The following SEL1L3 variants were observed in gnomAD, a reference collection of about 807,000 sequenced individuals.
SEL1L3 encodes SEL1L family member 3.
In SEL1L3, 76 loss-of-function variants were observed where a neutral mutation model predicts 142.8. That is an observed-to-expected ratio of 0.53 (90% CI 0.44 to 0.64). The LOEUF (loss-of-function observed/expected upper bound fraction) is 0.64. Ranked by LOEUF, SEL1L3 falls within the 30% of genes least tolerant of loss-of-function variation. SEL1L3 has a pLI of 0.00. For missense variants in SEL1L3, 1,262 were observed against 1,381.7 expected (o/e 0.91, Z 1.37); for synonymous variants, 504 against 519.6 (o/e 0.97, Z 0.41).
intron 1 of SEL1L3, chr4:25,862,273 G>T (rs1717765730): frequency 6.5e-6 from 1 of 153,148 alleles, no homozygotes; most frequent in Admixed American, 6.6e-5. Context: ...GAAAGGAGCT[G>T]CGAGAAGATT....
intron 16 of SEL1L3, among the ~76,000 whole-genome samples, chr4:25,778,099 C>G (rs927585253): frequency 7.2e-5 from 11 of 152,058 alleles, no homozygotes; most frequent in African/African-American, 2.7e-4. Context: ...TCTGCAAGAC[C>G]TCAAAAATGT....
Position 25,752,188 on chromosome 4 carries a change from G to A in SEL1L3, c.3260-3624C>T, listed in dbSNP as rs183420392. Among the ~76,000 whole-genome samples the A allele has an allele frequency of 2.2e-4, 33 of 151,338 alleles. No homozygotes were observed. In the East Asian group the frequency reaches 2.9e-3, roughly 13 times the overall value. On this transcript the variant is annotated intron_variant, in intron 23 of 23. Transcript: ENST00000399878. ...TCCCAATACTTTGGGAGGCTGAGTCGGGCGGATCACTTGAGGTCAGGAGTT... is the reference window on the plus strand; with the variant it reads ...TCCCAATACTTTGGGAGGCTGAGTCAGGCGGATCACTTGAGGTCAGGAGTT...
intron 2 of SEL1L3, among the ~76,000 whole-genome samples, chr4:25,840,379 T>C (rs1194511700): frequency 6.6e-6 from 1 of 152,222 alleles, no homozygotes; most frequent in Non-Finnish European, 1.5e-5. Flanking sequence ...TGAATAGTCC[T>C]GCTGCATAAA....
At chr4:25,787,001 G>C (rs2109182879) in intron 13 of SEL1L3, among the ~76,000 whole-genome samples, 1 of 152,268 alleles carries the variant, frequency 6.6e-6, no homozygotes, top group East Asian at 1.9e-4. Context: ...GCTTTCTTTG[G>C]ATATGGACAT....
chr4:25,758,260 C>G (rs1342190497), intron 21 of SEL1L3, among the ~76,000 whole-genome samples: 2 of 152,086 alleles, frequency 1.3e-5, no homozygotes, highest in Admixed American at 1.3e-4. Context: ...TACTTGAGGC[C>G]AGGAGTTCGA....
chr4:25,753,327 T>A (rs1717724008), intron 23 of SEL1L3, among the ~76,000 whole-genome samples: 1 of 152,088 alleles, frequency 6.6e-6, no homozygotes. Context: ...AAAATGCAAA[T>A]CACAAAATGA....
At chr4:25,831,427 C>T (rs1349728280) in intron 5 of SEL1L3, among the ~76,000 whole-genome samples, 1 of 151,082 alleles carries the variant, frequency 6.6e-6, no homozygotes, top group African/African-American at 2.4e-5. Context: ...CCTAAGCATT[C>T]CAGCATAAAA....
intron 20 of SEL1L3, among the ~76,000 whole-genome samples, chr4:25,761,893 T>C (rs534879842): frequency 3.2e-4 from 48 of 152,326 alleles, no homozygotes; most frequent in Non-Finnish European, 6.5e-4. Flanking sequence ...GGAAAGCCCT[T>C]TCAGAAAGCA....
At chr4:25,798,244 T>A (rs1310636513) in intron 11 of SEL1L3, among the ~76,000 whole-genome samples, 1 of 152,198 alleles carries the variant, frequency 6.6e-6, no homozygotes, top group Non-Finnish European at 1.5e-5. Flanking sequence ...TTGTTGTTGC[T>A]GCCATTTTAT....
the SEL1L3 span, among the ~76,000 whole-genome samples, chr4:25,738,779 C>T: frequency 9.2e-5 from 14 of 152,250 alleles, no homozygotes; most frequent in South Asian, 2.1e-4. Flanking sequence ...TTTTTCCTTT[C>T]CTCACACAGT....
chr4:25,803,958 C>T (rs1435390871), intron 10 of SEL1L3, among the ~76,000 whole-genome samples: 2 of 152,116 alleles, frequency 1.3e-5, no homozygotes, highest in African/African-American at 2.4e-5. Flanking sequence ...ATTGCATGAG[C>T]CAATTCTTTG....
At chr4:25,769,826 C>G (rs1197451866) in intron 17 of SEL1L3, among the ~76,000 whole-genome samples, 1 of 152,130 alleles carries the variant, frequency 6.6e-6, no homozygotes, top group East Asian at 1.9e-4. Flanking sequence ...TAAAATGTAA[C>G]AAAATGAGGT....
intron 2 of SEL1L3, among the ~76,000 whole-genome samples, chr4:25,838,538 A>ACCT (rs1439478814): frequency 6.6e-6 from 1 of 152,124 alleles, no homozygotes; most frequent in Non-Finnish European, 1.5e-5. Flanking sequence ...CCCAGAGAGA[A>ACCT]CCTCGGCTGA....
the SEL1L3 span, among the ~76,000 whole-genome samples, chr4:25,736,380 C>G: frequency 6.6e-6 from 1 of 151,796 alleles, no homozygotes. Flanking sequence ...CTCACCACCA[C>G]GCCTAGCTAA....
At chr4:25,851,120 G>T (rs1281873477) in intron 1 of SEL1L3, among the ~76,000 whole-genome samples, 1 of 152,080 alleles carries the variant, frequency 6.6e-6, no homozygotes, top group Non-Finnish European at 1.5e-5. Flanking sequence ...CAAAGTGCTG[G>T]GATTACAGGC....
chr4:25,862,156 G>A (rs1355643000), intron 1 of SEL1L3: 1 of 152,378 alleles, frequency 6.6e-6, no homozygotes, highest in Non-Finnish European at 1.5e-5. Context: ...GATGCGAGGT[G>A]CGTTGGCAGA....
rs1005894754 is a variant in SEL1L3 at position 25,791,788 on chromosome 4, C to T, written c.1957-1214G>A. The stretch of plus-strand genomic sequence containing the variant: ...ATTTAATGGGTGTGGTGGTACACAC[C>T]GCTAATCCCAGCTACTTGGGAGGCT... On this transcript the variant is annotated intron_variant, in intron 11 of 23. Transcript: ENST00000399878. Among the ~76,000 whole-genome samples, 6 of 152,034 alleles carry T rather than the reference C, an allele frequency of 3.9e-5. No homozygotes were observed. In the East Asian group the frequency reaches 5.8e-4, roughly 15 times the overall value.
At chr4:25,840,291 A>G (rs559227577) in intron 2 of SEL1L3, among the ~76,000 whole-genome samples, 1 of 151,000 alleles carries the variant, frequency 6.6e-6, no homozygotes, top group East Asian at 1.9e-4. Context: ...TTAACTGGAA[A>G]AAAAGGAACT....
intron 2 of SEL1L3, among the ~76,000 whole-genome samples, chr4:25,843,890 G>A (rs866095770): frequency 2.6e-5 from 4 of 152,246 alleles, no homozygotes; most frequent in Admixed American, 6.5e-5. Context: ...CGTGGCCCTC[G>A]CCTCGGGAGC....
Sources: allele counts gnomAD v4.1 joint callset (sites outside exome capture counted in the v4.1 genomes callset), GRCh38; gene constraint gnomAD v4.1.1; transcripts MANE v1.5; gene names NCBI Gene and HGNC (gene_info 2026-07-23, HGNC 2026-07-21).